The following GNL3 variants were observed in gnomAD, a reference collection of about 807,000 sequenced individuals.
GNL3 encodes the protein G protein nucleolar 3.
In GNL3, 77 loss-of-function variants were observed where a neutral mutation model predicts 70.6. The ratio of observed to expected loss-of-function variants is 1.09; its 90% CI spans 0.91 to 1.32. The LOEUF (loss-of-function observed/expected upper bound fraction) is 1.32. Ranked by LOEUF, GNL3 falls within the 40% of genes most tolerant of loss-of-function variation. The pLI is 0.00. For missense variants in GNL3, 634 were observed against 644.0 expected (o/e 0.98, Z 0.17); for synonymous variants, 252 against 216.1 (o/e 1.17, Z -1.46).
chr3:52,687,480 A>G (rs781357099), intron 3 of GNL3, 22 bp from the exon 4 acceptor site: 8 of 1,595,494 alleles, frequency 5.0e-6, no homozygotes, highest in South Asian at 1.1e-5. Flanking sequence ...TGGTTCACCT[A>G]TTTCCCTTAT....
intron 1 of GNL3, chr3:52,686,410 G>A: frequency 1.7e-6 from 1 of 578,678 alleles, no homozygotes; most frequent in South Asian, 2.0e-5. Flanking sequence ...CCGTGGCCAC[G>A]TGCAGACTGG....
intron 5 of GNL3, among the ~76,000 whole-genome samples, chr3:52,688,441 C>G (rs551199541): frequency 6.6e-6 from 1 of 152,306 alleles, no homozygotes; most frequent in Admixed American, 6.5e-5. Flanking sequence ...TGACTCGACT[C>G]TAGCTTATGC....
chr3:52,687,367 A>G lies in GNL3; in HGVS notation c.194A>G (p.Glu65Gly). 1 of 1,613,790 alleles carries G rather than the reference A, an allele frequency of 6.2e-7. No homozygotes were observed. Among genetic ancestry groups the G allele is most frequent in the Non-Finnish European group, 8.5e-7 (1 of 1,179,868 alleles). ...PFKEALLREA[E>G]LRKQRLEELK... is the part of the protein sequence containing the mutation. ...AAGGAGGCTCTTCTTAGGGAAGCTG[A>G]GCTAAGGAAACAGAGGGTAAGTTAT... Residue 65 changes from glutamate (E) to glycine (G), a missense_variant, in exon 3 of 15, where the codon GAG (glutamate) becomes GGG (glycine). Glu to Gly is a moderately conservative substitution (Grantham distance 98). Transcript: ENST00000418458.
At chr3:52,693,897 G>A (rs1430534952) in intron 13 of GNL3, 90 bp downstream of exon 13, 75 of 1,357,310 alleles carry the variant, frequency 5.5e-5, no homozygotes, top group Non-Finnish European at 7.6e-5. Context: ...AAATATTTGA[G>A]GCTTGTGATC....
chr3:52,687,030 C>A, intron 2 of GNL3: 1 of 630,114 alleles, frequency 1.6e-6, no homozygotes, highest in Non-Finnish European at 2.8e-6. Context: ...TAAATTTGTT[C>A]AGCATGTTAA....
Position 52,693,200 on chromosome 3 carries a change from A to G in GNL3, c.1058A>G (p.Tyr353Cys), listed in dbSNP as rs564139120. 1 of 1,611,600 alleles carries G rather than the reference A, an allele frequency of 6.2e-7. No homozygotes were observed. Among genetic ancestry groups the G allele is most frequent in the East Asian group, 2.2e-5 (1 of 44,872 alleles). ...QADARQVVLK[Y>C]TVPGYRNSLE... ...TTTTTTTTTAAGGTAGTACTGAAAT[A>G]TACTGTCCCAGGCTACAGGAATTCT... The change falls in exon 11 of 15, where the codon TAT becomes TGT. Residue 353 changes from tyrosine (Y) to cysteine (C), a missense_variant. Coordinates refer to ENST00000418458, the MANE Select transcript of GNL3 (RefSeq NM_014366.5).
intron 5 of GNL3, 153 bp from the exon 6 acceptor site, chr3:52,688,921 C>G (rs1488548235): frequency 1.5e-6 from 1 of 662,840 alleles, no homozygotes; most frequent in African/African-American, 1.8e-5. Context: ...TTCTTCATAC[C>G]AAAGTGAAGA....
chr3:52,689,261 A>G (rs1284356752), intron 6 of GNL3, 55 bp downstream of exon 6: 3 of 1,476,658 alleles, frequency 2.0e-6, no homozygotes, highest in African/African-American at 2.8e-5. Context: ...GTACGAGGAA[A>G]CAGTCTGATA....
rs775892996 is a variant in GNL3, at chr3:52,689,188, CTTATA to C, written c.527_531del (p.Ile176LysfsTer2). The C allele has an allele frequency of 1.4e-5, 23 of 1,613,276 alleles. No individual in the cohort carries two copies. The highest frequency in any genetic ancestry group is 1.8e-5 in the Non-Finnish European group (21 of 1,179,402). ...CCAGAGTGGACAGAAAAAGCTGGTA[CTTATA>C]TTAAATAAATCAGGTGAGTAAAGAG... On this transcript the variant is annotated frameshift_variant, in exon 6 of 15. Transcript: ENST00000418458. LOFTEE classifies it high-confidence loss of function.
Position 52,693,422 on chromosome 3 carries a change from A to G in GNL3, c.1202A>G (p.Tyr401Cys). The G allele has an allele frequency of 6.2e-7, 1 of 1,614,136 alleles. No individual in the cohort carries two copies. The highest frequency in any genetic ancestry group is 8.5e-7 in the Non-Finnish European group (1 of 1,179,968). Reference protein sequence around the residue: ...WSEWTGASLAYYCHPPTSWTP... With the variant: ...WSEWTGASLACYCHPPTSWTP... ...TTTAATATCAGTGCCTCATTAGCTT[A>G]CTATTGCCATCCCCCTACATCTTGG... Residue 401 changes from tyrosine (Y) to cysteine (C), a missense_variant, in exon 12 of 15, where the codon TAC (tyrosine) becomes TGC (cysteine). Physicochemically the swap from Tyr to Cys is radical, Grantham distance 194 (BLOSUM62 -2). Transcript: ENST00000418458.
intron 2 of GNL3, 87 bp from the exon 3 acceptor site, chr3:52,687,159 A>G: frequency 8.8e-7 from 1 of 1,137,684 alleles, no homozygotes; most frequent in South Asian, 1.4e-5. Flanking sequence ...GGCATAACTA[A>G]ATTGCAGCCA....
chr3:52,693,917 T>TA, intron 13 of GNL3, 110 bp downstream of exon 13: 1 of 1,295,338 alleles, frequency 7.7e-7, no homozygotes, highest in South Asian at 1.3e-5. Flanking sequence ...CCATTAGCCT[T>TA]AATTTTGCAC....
rs1244040319 is a variant in GNL3, at chr3:52,692,863, T to G, written c.870-9T>G. ...AATGCCCCCATCAATTCCATCGCTC[T>G]TCTTTCAGGAGCATGCAAGTTGTCC... On this transcript the variant is annotated splice_polypyrimidine_tract_variant and intron_variant, in intron 9 of 14. Transcript: ENST00000418458. The G allele has an allele frequency of 1.2e-6, 2 of 1,608,394 alleles. No homozygotes were observed. Among genetic ancestry groups the G allele is most frequent in the African/African-American group, 2.7e-5 (2 of 74,846 alleles).
At position 52,690,955 on chromosome 3, in the gene GNL3, CAAA is replaced by C. The variant is rs2097326648; in HGVS notation, c.666_668del (p.Lys224del). 5.6e-6 allele frequency: 9 copies of C among 1,613,784 alleles called. No individual in the cohort carries two copies. The highest frequency in any genetic ancestry group is 6.8e-6 in the Non-Finnish European group (8 of 1,179,766). On this transcript the variant is annotated inframe_deletion, in exon 8 of 15. Transcript: ENST00000418458. Reference sequence around the variant, plus strand: ...TATTTGGAATTTTAGCGTGTGAAGGCAAAGAAGAATGCTGCTCCATTCAGAAGT... The same window carrying C: ...TATTTGGAATTTTAGCGTGTGAAGGCGAAGAATGCTGCTCCATTCAGAAGT...
chr3:52,691,473 A>T, intron 8 of GNL3, 69 bp from the exon 9 acceptor site: 1 of 891,152 alleles, frequency 1.1e-6, no homozygotes, highest in Non-Finnish European at 1.9e-6. Flanking sequence ...ATGGAAAATT[A>T]GGCAGTGAAA....
rs1193215729 is a variant in GNL3 at position 52,690,953 on chromosome 3, G to A, written c.663G>A (p.Lys221=). ...KDKGKITKRV[K]AKKNAAPFRS... ...ACTATTTGGAATTTTAGCGTGTGAA[G>A]GCAAAGAAGAATGCTGCTCCATTCA... The change falls in exon 8 of 15, where the codon AAG becomes AAA. Residue 221 remains lysine (K), a synonymous_variant. Transcript: ENST00000418458. The A allele has an allele frequency of 6.2e-7, 1 of 1,613,994 alleles. No individual in the cohort carries two copies. The highest frequency in any genetic ancestry group is 8.5e-7 in the Non-Finnish European group (1 of 1,179,870).
rs745634160 is a variant in GNL3, at chr3:52,686,048, C to T, written c.-45C>T. On this transcript the variant is annotated 5_prime_UTR_variant, in exon 1 of 15. Coordinates refer to ENST00000418458, the MANE Select transcript of GNL3 (RefSeq NM_014366.5). ...AGTGGCTTCAGTTCACACGTGGCGC[C>T]AGCGGAGGCAGGTTGATGTGTTTGT... 5 of 913,606 alleles carry T rather than the reference C, an allele frequency of 5.5e-6. No individual in the cohort carries two copies. The highest frequency in any genetic ancestry group is 3.2e-5 in the African/African-American group (2 of 62,006). 56.6% of individuals were successfully genotyped at this position (913,606 alleles called of 1,614,324 possible). A position where few individuals can be genotyped will look rare whatever the true frequency, so the allele number is the denominator to read the frequency against.
intron 1 of GNL3, chr3:52,686,426 G>T: frequency 1.7e-6 from 1 of 575,208 alleles, no homozygotes; most frequent in South Asian, 2.1e-5. Flanking sequence ...ACTGGCCCAG[G>T]TGAGAGCTGA....
In GNL3 at chr3:52,689,167, A is replaced by T. The variant is rs1256683308; in HGVS notation, c.502A>T (p.Ser168Cys). The change falls in exon 6 of 15, where the codon AGT becomes TGT. Residue 168 changes from serine to cysteine, a missense_variant. Ser to Cys is a moderately radical substitution (Grantham distance 112). Transcript: ENST00000418458. ...CPQVEEAIVQ[S>C]GQKKLVLILN... ...TCAGGTAGAAGAGGCCATTGTCCAG[A>T]GTGGACAGAAAAAGCTGGTACTTAT... is the stretch of plus-strand genomic sequence containing the variant. 4 of 1,612,562 alleles carry T rather than the reference A, an allele frequency of 2.5e-6. No individual in the cohort carries two copies. Among genetic ancestry groups the T allele is most frequent in the East Asian group, 4.5e-5 (2 of 44,880 alleles).
Sources: gnomAD v4.1 joint callset for allele counts (sites outside exome capture counted in the v4.1 genomes callset) on GRCh38, gnomAD v4.1.1 for gene constraint, MANE v1.5 for transcripts, NCBI Gene and HGNC (gene_info 2026-07-23, HGNC 2026-07-21) for gene names.